The following SEMA6D variants were observed in gnomAD, a reference collection of about 807,000 sequenced individuals.
SEMA6D encodes the protein semaphorin-6D.
SEMA6D carries 35 observed loss-of-function variants against 106.6 expected under a neutral mutation model. That is an observed-to-expected ratio of 0.33 (90% CI 0.25 to 0.44). SEMA6D has a LOEUF of 0.44. Among genes scored for constraint, SEMA6D ranks in the 20% least tolerant of loss-of-function variants. SEMA6D has a pLI of 1.00. For synonymous variants in SEMA6D, 499 were observed against 487.7 expected (o/e 1.02, Z -0.31); for missense variants, 1,185 against 1,345.9 (o/e 0.88, Z 1.87).
intron 4 of SEMA6D, among the ~76,000 whole-genome samples, chr15:47,679,824 A>G (rs2078315401): frequency 6.6e-6 from 1 of 152,184 alleles, no homozygotes; most frequent in Non-Finnish European, 1.5e-5. Flanking sequence ...TTTGGTCCCC[A>G]TGCCAATCCT....
chr15:47,184,677 G>A (rs971499059), intron 1 of SEMA6D, among the ~76,000 whole-genome samples: 5 of 152,130 alleles, frequency 3.3e-5, no homozygotes, highest in African/African-American at 1.2e-4. Flanking sequence ...TTTGTGTCTT[G>A]CCCGATCCCG....
chr15:47,420,945 G>A (rs796784582), intron 2 of SEMA6D, among the ~76,000 whole-genome samples: 8 of 152,168 alleles, frequency 5.3e-5, no homozygotes, highest in African/African-American at 1.9e-4. Context: ...TAGACCATCA[G>A]TACCATTGGG....
intron 1 of SEMA6D, among the ~76,000 whole-genome samples, chr15:47,282,580 G>A (rs546013839): frequency 4.1e-4 from 62 of 152,178 alleles, no homozygotes; most frequent in Admixed American, 9.8e-4. Context: ...ATATGCCTGC[G>A]AGAGTATGCA....
intron 3 of SEMA6D, among the ~76,000 whole-genome samples, chr15:47,588,202 C>A (rs776527825): frequency 6.6e-6 from 1 of 152,196 alleles, no homozygotes; most frequent in Non-Finnish European, 1.5e-5. Context: ...TGACCCCAGT[C>A]ATGTCTGTCC....
At chr15:47,495,772 C>T (rs1380670100) in intron 3 of SEMA6D, among the ~76,000 whole-genome samples, 2 of 151,878 alleles carry the variant, frequency 1.3e-5, no homozygotes, top group African/African-American at 2.4e-5. Context: ...TACAGAAGTA[C>T]AGAAATAATG....
intron 4 of SEMA6D, among the ~76,000 whole-genome samples, chr15:47,704,880 C>T (rs2078883916): frequency 1.3e-5 from 2 of 152,102 alleles, no homozygotes; most frequent in South Asian, 4.1e-4. Context: ...GAGAGGTTTA[C>T]ATTTTGAACA....
chr15:47,669,415 A>G (rs2078096211), intron 4 of SEMA6D, among the ~76,000 whole-genome samples: 1 of 152,158 alleles, frequency 6.6e-6, no homozygotes, highest in Non-Finnish European at 1.5e-5. Flanking sequence ...TGCCTGGCAT[A>G]TGGTGTGTGT....
At chr15:47,373,588 A>C (rs1303085237) in intron 1 of SEMA6D, among the ~76,000 whole-genome samples, 2 of 152,170 alleles carry the variant, frequency 1.3e-5, no homozygotes, top group Non-Finnish European at 2.9e-5. Context: ...TTTTCTAATA[A>C]ACCCATCCAC....
At position 47,215,706 on chromosome 15, in the gene SEMA6D, G is replaced by A. The variant is rs183012648; in HGVS notation, c.-239+31288G>A. ...TTTCAAAACTGATGGGAAATAATTAGCTACGGCTTCTACTTTTGGATGTTA... is the reference window on the plus strand; with the variant it reads ...TTTCAAAACTGATGGGAAATAATTAACTACGGCTTCTACTTTTGGATGTTA... On this transcript the variant is annotated intron_variant, in intron 1 of 19. Transcript: ENST00000558014. 3.2e-3 allele frequency among the ~76,000 whole-genome samples: 494 copies of A among 152,152 alleles called. 2 individuals are homozygous for A. The highest frequency in any genetic ancestry group is 0.031 in the Middle Eastern group (9 of 294).
At chr15:47,671,948 A>G (rs950027568) in intron 4 of SEMA6D, among the ~76,000 whole-genome samples, 5 of 152,226 alleles carry the variant, frequency 3.3e-5, no homozygotes, top group African/African-American at 9.6e-5. Context: ...CATTTACAGC[A>G]TGCCAAATAG....
intron 1 of SEMA6D, among the ~76,000 whole-genome samples, chr15:47,729,602 C>T (rs1005916844): frequency 6.6e-6 from 1 of 152,200 alleles, no homozygotes; most frequent in African/African-American, 2.4e-5. Context: ...CACCCCACTC[C>T]ATCTGCTGAT....
intron 1 of SEMA6D, among the ~76,000 whole-genome samples, chr15:47,281,837 T>A (rs2035138296): frequency 6.6e-6 from 1 of 152,190 alleles, no homozygotes; most frequent in South Asian, 2.1e-4. Context: ...CCATTCTTAT[T>A]ATTTTTCATT....
chr15:47,462,936 A>T (rs2042557238), intron 2 of SEMA6D, among the ~76,000 whole-genome samples: 1 of 152,114 alleles, frequency 6.6e-6, no homozygotes. Context: ...AGCAAAACAG[A>T]TGTCATTGAA....
intron 3 of SEMA6D, among the ~76,000 whole-genome samples, chr15:47,510,550 A>T (rs1300831066): frequency 6.6e-6 from 1 of 152,234 alleles, no homozygotes; most frequent in Admixed American, 6.5e-5. Context: ...TAAAGGAGAA[A>T]TGTATCATGG....
intron 1 of SEMA6D, among the ~76,000 whole-genome samples, chr15:47,191,769 G>A (rs1398950553): frequency 6.6e-6 from 1 of 152,146 alleles, no homozygotes; most frequent in African/African-American, 2.4e-5. Context: ...TTAGGAGATG[G>A]TATAGAAAAG....
At chr15:47,319,438 G>A (rs1004297221) in intron 1 of SEMA6D, among the ~76,000 whole-genome samples, 2 of 152,110 alleles carry the variant, frequency 1.3e-5, no homozygotes, top group Non-Finnish European at 1.5e-5. Context: ...GGTAAGATGT[G>A]GGTGGAGGAC....
chr15:47,576,395 G>A (rs1209351519), intron 3 of SEMA6D, among the ~76,000 whole-genome samples: 1 of 152,190 alleles, frequency 6.6e-6, no homozygotes, highest in Non-Finnish European at 1.5e-5. Flanking sequence ...CATACCCCAA[G>A]TGAAGTTGTT....
chr15:47,374,314 T>A (rs1033150708), intron 1 of SEMA6D, among the ~76,000 whole-genome samples: 3 of 151,994 alleles, frequency 2.0e-5, no homozygotes, highest in African/African-American at 7.3e-5. Flanking sequence ...AGTCCTCAAA[T>A]CTCTGGTTAC....
At chr15:47,586,017 G>T (rs1018908551) in intron 3 of SEMA6D, among the ~76,000 whole-genome samples, 4 of 152,172 alleles carry the variant, frequency 2.6e-5, no homozygotes, top group African/African-American at 4.8e-5. Flanking sequence ...GACCACTGTG[G>T]TTCCTTCAAA....
Sources: allele counts gnomAD v4.1 joint callset (sites outside exome capture counted in the v4.1 genomes callset), GRCh38; gene constraint gnomAD v4.1.1; transcripts MANE v1.5; gene names NCBI Gene and HGNC (gene_info 2026-07-23, HGNC 2026-07-21).